CLRN1: variants seen among roughly 807,000 people sequenced by gnomAD.
The protein encoded by CLRN1 is clarin 1, also known as clarin-1.
CLRN1 carries 15 observed loss-of-function variants against 18.7 expected under a neutral mutation model. That is an observed-to-expected ratio of 0.80 (90% CI 0.54 to 1.23). The LOEUF (loss-of-function observed/expected upper bound fraction) is 1.23. CLRN1 is among the 50% of genes most tolerant of loss of function. CLRN1 has a pLI of 0.00. For missense variants in CLRN1, 311 were observed against 277.5 expected (o/e 1.12, Z -0.86); for synonymous variants, 104 against 102.9 (o/e 1.01, Z -0.07).
In CLRN1 at chr3:150,926,567, A is replaced by G. The variant is rs1712801558; in HGVS notation, c.*1369T>C. ...ATTTCCTGATTTAAGGGGAAAAACC[A>G]GCATCTGGAAACTCGGTGTGTTCTG... On this transcript the variant is annotated 3_prime_UTR_variant, in exon 3 of 3. Transcript: ENST00000327047. The G allele has an allele frequency of 1.7e-6, 1 of 591,820 alleles. No individual in the cohort carries two copies. Among genetic ancestry groups the G allele is most frequent in the South Asian group, 1.8e-5 (1 of 54,164 alleles). 36.7% of individuals were successfully genotyped at this position (591,820 alleles called of 1,614,324 possible).
At position 150,972,501 on chromosome 3, in the gene CLRN1, C is replaced by T; in HGVS notation, c.208G>A (p.Gly70Ser). 3.1e-6 allele frequency: 5 copies of T among 1,614,146 alleles called. No individual in the cohort carries two copies. The highest frequency in any genetic ancestry group is 2.2e-5 in the South Asian group (2 of 91,080). The part of the protein sequence containing the change: ...EMQYGLFHGE[G>S]VRQCGLGARP... ...GCTCCCAACCCACACTGCCTCACACCCTCTCCGTGGAAAAGCCCGTACTGC... is the reference window on the plus strand; with the variant it reads ...GCTCCCAACCCACACTGCCTCACACTCTCTCCGTGGAAAAGCCCGTACTGC... Residue 70 changes from glycine (G) to serine (S), a missense_variant, in exon 1 of 3, where the codon GGT becomes AGT. By Grantham distance (56) the Gly-to-Ser change is moderately conservative (BLOSUM62 0). Transcript: ENST00000327047.
intron 1 of CLRN1, among the ~76,000 whole-genome samples, chr3:150,943,150 C>T (rs779294738): frequency 1.3e-5 from 2 of 152,202 alleles, no homozygotes; most frequent in African/African-American, 2.4e-5. Flanking sequence ...TGTTATCCAG[C>T]GGTATCAATG....
intron 1 of CLRN1, chr3:150,942,766 C>A (rs552058577): frequency 0.047 from 12,839 of 271,556 alleles, 942 homozygotes; most frequent in East Asian, 0.28. Flanking sequence ...TTAAGTGACA[C>A]TTCTCATTTT....
intron 1 of CLRN1, among the ~76,000 whole-genome samples, chr3:150,952,321 G>A (rs1714530582): frequency 6.6e-6 from 1 of 152,150 alleles, no homozygotes; most frequent in African/African-American, 2.4e-5. Flanking sequence ...ACTAAGCGCA[G>A]CTCCCAGTCA....
rs78382203 is a variant in CLRN1 at position 150,946,082 on chromosome 3, A to G, written c.254-4321T>C. Among the ~76,000 whole-genome samples the G allele has an allele frequency of 4.7e-3, 721 of 152,334 alleles. 8 individuals carry two copies. The highest frequency in any genetic ancestry group is 0.016 in the African/African-American group (680 of 41,570). ...TGATTACAAAGAATGAAGCAAATCT[A>G]TAACAACATGTATGGAATTATTCAT... On this transcript the variant is annotated intron_variant, in intron 1 of 2. Coordinates refer to ENST00000327047, the MANE Select transcript of CLRN1 (RefSeq NM_174878.3).
At chr3:150,952,084 GC>G (rs1438253169) in intron 1 of CLRN1, among the ~76,000 whole-genome samples, 2 of 152,158 alleles carry the variant, frequency 1.3e-5, no homozygotes, top group Non-Finnish European at 2.9e-5. Flanking sequence ...GTCAGGACTT[GC>G]AGTTGTCCAC....
intron 1 of CLRN1, among the ~76,000 whole-genome samples, chr3:150,971,369 T>G (rs556799624): frequency 3.9e-5 from 6 of 152,344 alleles, no homozygotes; most frequent in Middle Eastern, 3.4e-3. Context: ...TAGTAACCTA[T>G]GTGAGCTGAA....
chr3:150,948,239 C>T (rs1714280894), intron 1 of CLRN1, among the ~76,000 whole-genome samples: 1 of 152,056 alleles, frequency 6.6e-6, no homozygotes, highest in South Asian at 2.1e-4. Flanking sequence ...AATCCCAGCA[C>T]TTTGGGAGGC....
At chr3:150,957,238 TACACACACACACACAC>T (rs34726423) in intron 1 of CLRN1, among the ~76,000 whole-genome samples, 1 of 146,958 alleles carries the variant, frequency 6.8e-6, no homozygotes, top group African/African-American at 2.5e-5. Flanking sequence ...TCCCATTTTA[TACACACACACACACAC>T]ACACACACAC....
At chr3:150,932,545 G>A (rs1362000466) in intron 2 of CLRN1, among the ~76,000 whole-genome samples, 2 of 152,108 alleles carry the variant, frequency 1.3e-5, no homozygotes, top group Non-Finnish European at 2.9e-5. Context: ...TGTCTTATAG[G>A]TGACAGATAT....
intron 2 of CLRN1, among the ~76,000 whole-genome samples, chr3:150,934,655 C>A (rs1402009322): frequency 6.6e-6 from 1 of 152,056 alleles, no homozygotes; most frequent in Non-Finnish European, 1.5e-5. Context: ...CTAGGTAAGA[C>A]CCTCTCCCAT....
chr3:150,970,536 C>T (rs1715482712), intron 1 of CLRN1, among the ~76,000 whole-genome samples: 1 of 150,710 alleles, frequency 6.6e-6, no homozygotes, highest in Admixed American at 6.6e-5. Flanking sequence ...AAAAGCTCTA[C>T]TGTAAGTATT....
Position 150,927,718 on chromosome 3 carries a change from G to A in CLRN1, c.*218C>T, listed in dbSNP as rs1243597272. ...TAGTCAACTGCCTTTGACTACCTGG[G>A]TCAAGCAATTTCCCACCAGATAAAA... On this transcript the variant is annotated 3_prime_UTR_variant, in exon 3 of 3. Transcript: ENST00000327047. The A allele has an allele frequency of 1.4e-6, 1 of 691,202 alleles. No individual in the cohort carries two copies. Among genetic ancestry groups the A allele is most frequent in the East Asian group, 2.9e-5 (1 of 34,900 alleles). The allele number at this position is 691,202 out of a possible 1,614,324, so 42.8% of individuals were successfully genotyped here.
intron 1 of CLRN1, among the ~76,000 whole-genome samples, chr3:150,948,183 A>G (rs1288518281): frequency 6.6e-6 from 1 of 152,184 alleles, no homozygotes; most frequent in Admixed American, 6.5e-5. Context: ...AGAGGATTCA[A>G]ATAAACACAA....
In CLRN1 at chr3:150,972,487, A is replaced by T. The variant is rs371082530; in HGVS notation, c.222T>A (p.Cys74Ter). The T allele has an allele frequency of 6.2e-7, 1 of 1,614,006 alleles. No homozygotes were observed. Among genetic ancestry groups the T allele is most frequent in the Non-Finnish European group, 8.5e-7 (1 of 1,180,022 alleles). Residue 74 changes from cysteine (C) to a stop codon, truncating the protein, a stop_gained, in exon 1 of 3, where the codon TGT becomes TGA. Coordinates refer to ENST00000327047, the MANE Select transcript of CLRN1 (RefSeq NM_174878.3). LOFTEE classifies it high-confidence loss of function. ...GLFHGEGVRQ[C>*]GLGARPFRFS... is the part of the protein sequence containing the mutation. ...ACCGAAAGGGCCTTGCTCCCAACCC[A>T]CACTGCCTCACACCCTCTCCGTGGA...
chr3:150,944,598 G>A (rs1714061354), intron 1 of CLRN1, among the ~76,000 whole-genome samples: 1 of 151,504 alleles, frequency 6.6e-6, no homozygotes, highest in Non-Finnish European at 1.5e-5. Flanking sequence ...GGTGGCTCAC[G>A]CCTGTAATCC....
intron 2 of CLRN1, among the ~76,000 whole-genome samples, chr3:150,935,296 CT>C (rs1163567359): frequency 9.6e-6 from 1 of 104,394 alleles, no homozygotes; most frequent in South Asian, 5.0e-4. Context: ...CCTCCCCCCT[CT>C]TCCCACCCCA....
chr3:150,949,252 T>C (rs769642288), intron 1 of CLRN1, among the ~76,000 whole-genome samples: 4 of 152,116 alleles, frequency 2.6e-5, no homozygotes, highest in Non-Finnish European at 4.4e-5. Flanking sequence ...ACAAACATCG[T>C]ACTGAATGGG....
intron 1 of CLRN1, among the ~76,000 whole-genome samples, chr3:150,949,093 A>G (rs1175857411): frequency 6.6e-6 from 1 of 152,200 alleles, no homozygotes; most frequent in African/African-American, 2.4e-5. Context: ...CATAAACAGA[A>G]CTAAAGACAA....
Sources: allele counts gnomAD v4.1 joint callset (sites outside exome capture counted in the v4.1 genomes callset), GRCh38; gene constraint gnomAD v4.1.1; transcripts MANE v1.5; gene names NCBI Gene and HGNC (gene_info 2026-07-23, HGNC 2026-07-21).